WAC: variants seen among roughly 807,000 people sequenced by gnomAD.
The protein encoded by WAC is WW domain-containing adapter protein with coiled-coil.
WAC carries 11 observed loss-of-function variants against 79.6 expected under a neutral mutation model. The ratio of observed to expected loss-of-function variants is 0.14; its 90% CI spans 0.09 to 0.23. The LOEUF (loss-of-function observed/expected upper bound fraction) is 0.23, where lower values mean the gene tolerates loss of function less well. WAC is among the 10% of genes least tolerant of loss of function. The pLI is 1.00. For missense variants in WAC, 728 were observed against 773.5 expected (o/e 0.94, Z 0.70); for synonymous variants, 304 against 276.9 (o/e 1.10, Z -0.97).
chr10:28,566,375 A>G (rs191635690), intron 3 of WAC, among the ~76,000 whole-genome samples: 15 of 152,354 alleles, frequency 9.8e-5, no homozygotes, highest in Non-Finnish European at 1.9e-4. Flanking sequence ...GTATAATGTC[A>G]GTCCTTGGAC....
intron 8 of WAC, 142 bp from the exon 9 acceptor site, chr10:28,610,557 C>T (rs927217869): frequency 7.8e-6 from 6 of 768,192 alleles, no homozygotes; most frequent in Non-Finnish European, 1.1e-5. Flanking sequence ...CATTGTATTA[C>T]TCCTATCTAG....
chr10:28,619,583 A>C lies in WAC; in HGVS notation c.1921A>C (p.Asn641His). The change falls in exon 14 of 14, where the codon AAT (asparagine) becomes CAT (histidine). Residue 641 changes from asparagine to histidine, a missense_variant. Physicochemically the swap from Asn to His is moderately conservative, Grantham distance 68. Transcript: ENST00000354911. ...QQIKELEKLK[N>H]QNSFMV Reference sequence around the variant, plus strand: ...AATTAAGGAACTTGAAAAGCTAAAAAATCAGAATTCCTTCATGGTGTGAAG... The same window carrying C: ...AATTAAGGAACTTGAAAAGCTAAAACATCAGAATTCCTTCATGGTGTGAAG... The C allele has an allele frequency of 1.9e-6, 3 of 1,580,226 alleles. No homozygotes were observed. The highest frequency in any genetic ancestry group is 2.6e-6 in the Non-Finnish European group (3 of 1,171,562).
At chr10:28,611,629 T>A (rs1841240696) in intron 9 of WAC, 145 bp from the exon 10 acceptor site, 5 of 1,258,806 alleles carry the variant, frequency 4.0e-6, no homozygotes, top group African/African-American at 1.5e-5. Flanking sequence ...AGATTCTGAT[T>A]TATTCCAATA....
intron 7 of WAC, among the ~76,000 whole-genome samples, chr10:28,598,858 T>C (rs1840505019): frequency 6.6e-6 from 1 of 152,234 alleles, no homozygotes; most frequent in South Asian, 2.1e-4. Flanking sequence ...ATATATAGTA[T>C]TCTTAAACTT....
chr10:28,605,085 CA>C (rs1316888221), intron 7 of WAC, among the ~76,000 whole-genome samples: 1 of 152,032 alleles, frequency 6.6e-6, no homozygotes, highest in Non-Finnish European at 1.5e-5. Context: ...GAGAGTGGAG[CA>C]ATAAAAAAAG....
At chr10:28,588,308 C>T (rs1236646480) in intron 4 of WAC, among the ~76,000 whole-genome samples, 2 of 152,180 alleles carry the variant, frequency 1.3e-5, no homozygotes. Flanking sequence ...AATTAACTCT[C>T]CACTGCTTTT....
rs377185042 is a variant in WAC at position 28,616,159 on chromosome 10, A to C, written c.1557-14A>C. ...TACTTTTAAACATACTACACATTCA[A>C]TTCTGTTTTCTAGTAGCCAGAGAAG... On this transcript the variant is annotated splice_polypyrimidine_tract_variant and intron_variant, in intron 11 of 13. Coordinates refer to ENST00000354911, the MANE Select transcript of WAC (RefSeq NM_016628.5). 1.0e-5 allele frequency: 16 copies of C among 1,571,446 alleles called. No homozygotes were observed. Among genetic ancestry groups the C allele is most frequent in the Non-Finnish European group, 1.3e-5 (15 of 1,153,318 alleles).
At chr10:28,537,965 T>A (rs946108102) in intron 3 of WAC, among the ~76,000 whole-genome samples, 1 of 152,244 alleles carries the variant, frequency 6.6e-6, no homozygotes, top group Non-Finnish European at 1.5e-5. Flanking sequence ...TGTCGTCTTC[T>A]GGAGTCTTCC....
Position 28,619,722 on chromosome 10 carries a change from A to T in WAC, c.*116A>T. 1.4e-6 allele frequency: 1 copy of T among 735,118 alleles called. No individual in the cohort carries two copies. Among genetic ancestry groups the T allele is most frequent in the African/African-American group, 1.9e-5 (1 of 53,774 alleles). 45.5% of individuals were successfully genotyped at this position (735,118 alleles called of 1,614,324 possible). A position where few individuals can be genotyped will look rare whatever the true frequency, so the allele number is the denominator to read the frequency against. On this transcript the variant is annotated 3_prime_UTR_variant, in exon 14 of 14. Transcript: ENST00000354911. ...TGGACCGTTAAGCTGGGCAAAGGAAATGACAAGGGGACGGGGTCTGTGAGA... is the reference window on the plus strand; with the variant it reads ...TGGACCGTTAAGCTGGGCAAAGGAATTGACAAGGGGACGGGGTCTGTGAGA...
intron 3 of WAC, among the ~76,000 whole-genome samples, chr10:28,564,668 T>A (rs1238766789): frequency 6.6e-6 from 1 of 152,160 alleles, no homozygotes; most frequent in Non-Finnish European, 1.5e-5. Flanking sequence ...GGAAGAAAAA[T>A]CTATTTTGAG....
chr10:28,603,945 A>ATGGGTGGTTTATTTT (rs1840774243), intron 7 of WAC, among the ~76,000 whole-genome samples: 1 of 25,192 alleles, frequency 4.0e-5, no homozygotes, highest in African/African-American at 2.6e-4. Flanking sequence ...AAAAAAAAAT[A>ATGGGTGGTTTATTTT]TATATATGTA....
intron 6 of WAC, among the ~76,000 whole-genome samples, chr10:28,593,421 GGTTTTT>G (rs1194419465): frequency 4.6e-5 from 7 of 152,010 alleles, no homozygotes; most frequent in Admixed American, 2.0e-4. Context: ...GTTTTAATGA[GGTTTTT>G]GTTTTTGTTT....
intron 3 of WAC, among the ~76,000 whole-genome samples, chr10:28,549,628 A>T (rs1837553152): frequency 6.6e-6 from 1 of 152,192 alleles, no homozygotes; most frequent in African/African-American, 2.4e-5. Flanking sequence ...ATTAACTACA[A>T]ATTTAAACAT....
Position 28,614,606 on chromosome 10 carries a change from T to G in WAC, c.1477T>G (p.Ser493Ala). Residue 493 changes from serine to alanine, a missense_variant, in exon 11 of 14, where the codon TCA (serine) becomes GCA (alanine). Ser to Ala is a moderately conservative substitution (Grantham distance 99). Transcript: ENST00000354911. ...PVVKQGPVSQ[S>A]ATQQPVTADK... is the part of the protein sequence containing the mutation. ...AGTTAAGCAAGGACCAGTGTCACAG[T>G]CAGCCACACAGCAGCCTGTAACTGC... 2.5e-6 allele frequency: 4 copies of G among 1,614,160 alleles called. No individual in the cohort carries two copies. The highest frequency in any genetic ancestry group is 3.4e-6 in the Non-Finnish European group (4 of 1,180,014).
chr10:28,576,287 CAT>C (rs201416804), intron 3 of WAC, among the ~76,000 whole-genome samples: 4 of 151,846 alleles, frequency 2.6e-5, no homozygotes, highest in Admixed American at 1.3e-4. Flanking sequence ...AATATGTAGC[CAT>C]ATATATATAT....
chr10:28,611,573 T>G, intron 9 of WAC: 1 of 1,279,438 alleles, frequency 7.8e-7, no homozygotes, highest in Non-Finnish European at 1.0e-6. Flanking sequence ...TGTGCTTACC[T>G]CTGAACACAC....
At chr10:28,543,212 G>A (rs936924285) in intron 3 of WAC, among the ~76,000 whole-genome samples, 1 of 152,122 alleles carries the variant, frequency 6.6e-6, no homozygotes, top group Non-Finnish European at 1.5e-5. Context: ...AGAGTAACAA[G>A]GTTCTATAGC....
rs1191133532 is a variant in WAC, at chr10:28,535,627, C to T, written c.144C>T (p.Asp48=). The T allele has an allele frequency of 6.2e-6, 10 of 1,613,998 alleles. No individual in the cohort carries two copies. The highest frequency in any genetic ancestry group is 2.7e-5 in the African/African-American group (2 of 74,978). The change falls in exon 3 of 14, where the codon GAC becomes GAT. Residue 48 remains aspartate (D), a synonymous_variant. Coordinates refer to ENST00000354911, the MANE Select transcript of WAC (RefSeq NM_016628.5). ...SGDHRHEKMR[D]AGDPSPPNKM... Reference sequence around the variant, plus strand: ...ATCACAGACATGAAAAGATGCGAGACGCCGGAGATCCTTCACCACCAAATA... The same window carrying T: ...ATCACAGACATGAAAAGATGCGAGATGCCGGAGATCCTTCACCACCAAATA...
chr10:28,545,040 CA>C (rs71391049), intron 3 of WAC, among the ~76,000 whole-genome samples: 39,664 of 114,020 alleles, frequency 0.35, 6,116 homozygotes, highest in Non-Finnish European at 0.45. Flanking sequence ...GACTCTGTCT[CA>C]AAAAAAAAAA....
Sources: gnomAD v4.1 joint callset for allele counts (sites outside exome capture counted in the v4.1 genomes callset) on GRCh38, gnomAD v4.1.1 for gene constraint, MANE v1.5 for transcripts, NCBI Gene and HGNC (gene_info 2026-07-23, HGNC 2026-07-21) for gene names.